PAAF1: variants seen among roughly 807,000 people sequenced by gnomAD.
PAAF1 encodes proteasomal ATPase-associated factor 1.
Under a neutral mutation model 52.8 loss-of-function variants are expected in PAAF1, and 46 were observed. That is an observed-to-expected ratio of 0.87 (90% CI 0.69 to 1.11). PAAF1 has a LOEUF of 1.11. Among genes scored for constraint, PAAF1 ranks in the 50% most tolerant of loss-of-function variants. The pLI is 0.00. For missense variants in PAAF1, 424 were observed against 477.4 expected (o/e 0.89, Z 1.04); for synonymous variants, 178 against 172.8 (o/e 1.03, Z -0.24).
In PAAF1 at chr11:73,909,452, C is replaced by T. The variant is rs144154138; in HGVS notation, c.586C>T (p.Arg196Ter). 3.7e-6 allele frequency: 6 copies of T among 1,613,944 alleles called. No individual in the cohort carries two copies. The African/African-American group carries it at 5.3e-5, about 14-fold the overall frequency. Reference sequence around the variant, plus strand: ...GGGGAGGAATGTGGTGTCTGCTTCTCGAGATGGGACAGCACGACTTTGGGA... The same window carrying T: ...GGGGAGGAATGTGGTGTCTGCTTCTTGAGATGGGACAGCACGACTTTGGGA... ...DRGRNVVSAS[R>*]DGTARLWDCG... is the part of the protein sequence containing the mutation. Residue 196 changes from arginine (R) to a stop codon, truncating the protein, a stop_gained, in exon 7 of 12, where the codon CGA (arginine) becomes TGA (stop). Transcript: ENST00000310571. LOFTEE classifies it high-confidence loss of function.
intron 2 of PAAF1, among the ~76,000 whole-genome samples, chr11:73,881,699 TTTTG>T (rs929144773): frequency 4.3e-4 from 66 of 152,192 alleles, no homozygotes; most frequent in Admixed American, 1.4e-3. Context: ...CAAGGAGTTT[TTTTG>T]TTTGTTTGTT....
rs1037491976 is a variant in PAAF1 at position 73,891,024 on chromosome 11, G to T, written c.193-88G>T. On this transcript the variant is annotated intron_variant, in intron 3 of 11. Transcript: ENST00000310571. ...TACACTGAGAAGATGAGAATGTCCT[G>T]TAGTCCTAATGTTTTCTTTAAGAGG... is the stretch of plus-strand genomic sequence containing the variant. 24 of 770,706 alleles carry T rather than the reference G, an allele frequency of 3.1e-5. No individual in the cohort carries two copies. In the African/African-American group the frequency reaches 3.7e-4, roughly 12 times the overall value. 47.7% of individuals were successfully genotyped at this position (770,706 alleles called of 1,614,324 possible). A position where few individuals can be genotyped will look rare whatever the true frequency, so the allele number is the denominator to read the frequency against.
At chr11:73,915,469 G>A (rs1450378089) in intron 8 of PAAF1, among the ~76,000 whole-genome samples, 1 of 152,138 alleles carries the variant, frequency 6.6e-6, no homozygotes, top group Non-Finnish European at 1.5e-5. Context: ...GGGCATGGTG[G>A]CATGCACCTG....
chr11:73,914,416 A>G lies in PAAF1; in HGVS notation c.731A>G (p.Glu244Gly). ...ACATAGTTTATTTGTCATGCAGGTGAACGGGAGGTTGGAACAGAGGCCAAA... is the reference window on the plus strand; with the variant it reads ...ACATAGTTTATTTGTCATGCAGGTGGACGGGAGGTTGGAACAGAGGCCAAA... ...NLGSPEQMPS[E>G]REVGTEAKML... The change falls in exon 8 of 12, where the codon GAA becomes GGA. Residue 244 changes from glutamate to glycine, a missense_variant. By Grantham distance (98) the Glu-to-Gly change is moderately conservative (BLOSUM62 -2). Transcript: ENST00000310571. 6.2e-7 allele frequency: 1 copy of G among 1,613,954 alleles called. No homozygotes were observed.
In PAAF1 at chr11:73,914,424, G is replaced by T. The variant is rs762088850; in HGVS notation, c.739G>T (p.Val247Phe). 40 of 1,613,920 alleles carry T rather than the reference G, an allele frequency of 2.5e-5. No homozygotes were observed. Among genetic ancestry groups the T allele is most frequent in the Non-Finnish European group, 3.1e-5 (36 of 1,179,958 alleles). The stretch of plus-strand genomic sequence containing the variant: ...TATTTGTCATGCAGGTGAACGGGAG[G>T]TTGGAACAGAGGCCAAAATGCTGCT... ...SPEQMPSERE[V>F]GTEAKMLLLA... The change falls in exon 8 of 12, where the codon GTT (valine) becomes TTT (phenylalanine). Residue 247 changes from valine to phenylalanine, a missense_variant. Physicochemically the swap from Val to Phe is conservative, Grantham distance 50. Coordinates refer to ENST00000310571, the MANE Select transcript of PAAF1 (RefSeq NM_025155.3).
intron 6 of PAAF1, among the ~76,000 whole-genome samples, chr11:73,905,045 G>C (rs1386102890): frequency 1.3e-5 from 2 of 152,126 alleles, no homozygotes; most frequent in Non-Finnish European, 2.9e-5. Context: ...TTGAGGCCAG[G>C]AGTTCAGGGC....
chr11:73,899,689 G>A (rs1243076209), intron 5 of PAAF1, among the ~76,000 whole-genome samples: 1 of 152,138 alleles, frequency 6.6e-6, no homozygotes, highest in Admixed American at 6.6e-5. Flanking sequence ...TGGGATTACA[G>A]GTGTGAGCCA....
chr11:73,914,777 A>G (rs578036899), intron 8 of PAAF1, among the ~76,000 whole-genome samples: 1 of 146,492 alleles, frequency 6.8e-6, no homozygotes, highest in African/African-American at 2.5e-5. Flanking sequence ...ATCTCGGTTC[A>G]GCTCACTGCA....
chr11:73,897,233 C>A (rs1949422337), intron 4 of PAAF1, among the ~76,000 whole-genome samples: 1 of 97,470 alleles, frequency 1.0e-5, no homozygotes, highest in African/African-American at 6.6e-5. Context: ...GGGCGGGGGG[C>A]TGACCCCCCC....
At chr11:73,913,782 A>G (rs941731197) in intron 7 of PAAF1, among the ~76,000 whole-genome samples, 7 of 152,120 alleles carry the variant, frequency 4.6e-5, no homozygotes, top group African/African-American at 1.7e-4. Context: ...AATAAATTTC[A>G]TTTTCTCTAG....
chr11:73,923,936 C>T (rs1054234207), intron 10 of PAAF1, among the ~76,000 whole-genome samples: 1 of 151,866 alleles, frequency 6.6e-6, no homozygotes, highest in African/African-American at 2.4e-5. Context: ...ACAAATGTTT[C>T]TTTAAAAAAT....
At chr11:73,925,430 C>T (rs1298820353) in intron 11 of PAAF1, among the ~76,000 whole-genome samples, 1 of 149,690 alleles carries the variant, frequency 6.7e-6, no homozygotes, top group Non-Finnish European at 1.5e-5. Context: ...TGTACCATTG[C>T]ACTCTAGTCT....
intron 9 of PAAF1, among the ~76,000 whole-genome samples, chr11:73,918,162 G>T (rs1273518006): frequency 6.6e-6 from 1 of 151,980 alleles, no homozygotes; most frequent in Non-Finnish European, 1.5e-5. Context: ...CATGTGAAGG[G>T]GATTGTTTTC....
chr11:73,916,605 C>T lies in PAAF1; in HGVS notation c.880C>T (p.Leu294=), dbSNP rs1303802895. 3 of 1,613,868 alleles carry T rather than the reference C, an allele frequency of 1.9e-6. No individual in the cohort carries two copies. Among genetic ancestry groups the T allele is most frequent in the Admixed American group, 3.3e-5 (2 of 59,982 alleles). ...NCCTFLSGFL[L]LAGTQDGNIY... ...CTGTACTTTTCTCTCTGGCTTCTTG[C>T]TATTGGCTGGGACTCAAGATGGAAA... The change falls in exon 9 of 12, where the codon CTA becomes TTA. Residue 294 remains leucine (L), a synonymous_variant. Transcript: ENST00000310571.
chr11:73,922,816 CA>C (rs372724683), intron 10 of PAAF1, among the ~76,000 whole-genome samples: 782 of 77,668 alleles, frequency 0.01, 5 homozygotes, highest in African/African-American at 0.028. Flanking sequence ...GACTCCGTCT[CA>C]AAAAAAAAAA....
chr11:73,889,356 A>T, intron 3 of PAAF1: 1 of 615,190 alleles, frequency 1.6e-6, no homozygotes, highest in Non-Finnish European at 2.4e-6. Flanking sequence ...ATTATGCTTA[A>T]ATGTCTAACC....
chr11:73,925,015 C>T (rs1463940946), intron 11 of PAAF1, among the ~76,000 whole-genome samples: 2 of 151,862 alleles, frequency 1.3e-5, no homozygotes, highest in South Asian at 2.1e-4. Context: ...ATTAGCTGGG[C>T]GTGGTGGTAC....
At chr11:73,905,506 G>A (rs895753312) in intron 6 of PAAF1, among the ~76,000 whole-genome samples, 9 of 152,136 alleles carry the variant, frequency 5.9e-5, no homozygotes, top group Admixed American at 2.6e-4. Flanking sequence ...ACAGGCATGA[G>A]CTACCATGCC....
chr11:73,908,315 A>G (rs954895145), intron 6 of PAAF1, among the ~76,000 whole-genome samples: 31 of 144,214 alleles, frequency 2.1e-4, no homozygotes, highest in Middle Eastern at 7.2e-3. Context: ...ATGTATATAT[A>G]TGTGTATATA....
Sources: gnomAD v4.1 joint callset for allele counts (sites outside exome capture counted in the v4.1 genomes callset) on GRCh38, gnomAD v4.1.1 for gene constraint, MANE v1.5 for transcripts, NCBI Gene and HGNC (gene_info 2026-07-23, HGNC 2026-07-21) for gene names.